The following AGL variants were observed in gnomAD, a reference collection of about 807,000 sequenced individuals.
AGL encodes the protein glycogen debranching enzyme.
In AGL, 128 loss-of-function variants were observed where a neutral mutation model predicts 199.3. That is an observed-to-expected ratio of 0.64 (90% CI 0.56 to 0.74). The LOEUF (loss-of-function observed/expected upper bound fraction) is 0.74. Among genes scored for constraint, AGL ranks in the 30% least tolerant of loss-of-function variants. The pLI is 0.00. For synonymous variants in AGL, 584 were observed against 594.7 expected, an observed-to-expected ratio of 0.98 and a Z score of 0.26; for missense variants, 1,809 against 1,820.8, an observed-to-expected ratio of 0.99 and a Z score of 0.12.
rs2100909108 is a variant in AGL at position 99,923,283 on chromosome 1, A to AT, written c.*1632_*1633insT. ...TTCTCTAAACTGTGCGGGTAAAAGG[A>AT]ATGACTGTCCTTGAGAGAACCATTA... is the stretch of plus-strand genomic sequence containing the variant. On this transcript the variant is annotated 3_prime_UTR_variant, in exon 34 of 34. Coordinates refer to ENST00000361915, the MANE Select transcript of AGL (RefSeq NM_000642.3). 6.6e-6 allele frequency: 1 copy of AT among 152,266 alleles called. No individual in the cohort carries two copies. The highest frequency in any genetic ancestry group is 1.9e-4 in the East Asian group (1 of 5,194). The allele number at this position is 152,266 out of a possible 1,614,324, so 9.4% of individuals were successfully genotyped here.
At chr1:99,880,601 G>T in intron 13 of AGL, 31 bp from the exon 14 acceptor site, 1 of 1,609,428 alleles carries the variant, frequency 6.2e-7, no homozygotes, top group Non-Finnish European at 8.5e-7. Context: ...AAATAATGAA[G>T]ATTGTTAAAA....
intron 20 of AGL, 151 bp downstream of exon 20, chr1:99,884,854 T>A: frequency 1.1e-6 from 1 of 939,868 alleles, no homozygotes; most frequent in Non-Finnish European, 1.6e-6. Flanking sequence ...TGTTAACATT[T>A]TACCCTATTG....
At chr1:99,879,576 C>G (rs1651835304) in intron 12 of AGL, among the ~76,000 whole-genome samples, 3 of 151,098 alleles carry the variant, frequency 2.0e-5, no homozygotes, top group African/African-American at 7.3e-5. Flanking sequence ...AAGAGCGAAA[C>G]TTGGTCTCAA....
chr1:99,870,406 A>G lies in AGL; in HGVS notation c.671A>G (p.Asn224Ser), dbSNP rs750646760. Residue 224 changes from asparagine (N) to serine (S), a missense_variant, in exon 6 of 34, where the codon AAT (asparagine) becomes AGT (serine). By Grantham distance (46) the Asn-to-Ser change is conservative. Coordinates refer to ENST00000361915, the MANE Select transcript of AGL (RefSeq NM_000642.3). ...TDVVYNHTAANSKWIQEHPEC... is the reference protein window; with the variant it reads ...TDVVYNHTAASSKWIQEHPEC... ...TGTCTCCTTTTTCCTTCAGCTGCTA[A>G]TAGTAAATGGATCCAGGAACATCCA... 6.2e-7 allele frequency: 1 copy of G among 1,613,926 alleles called. No homozygotes were observed. Among genetic ancestry groups the G allele is most frequent in the Non-Finnish European group, 8.5e-7 (1 of 1,179,888 alleles).
chr1:99,857,331 G>A (rs1198529375), intron 2 of AGL, among the ~76,000 whole-genome samples: 1 of 151,618 alleles, frequency 6.6e-6, no homozygotes, highest in Non-Finnish European at 1.5e-5. Flanking sequence ...TCCCAGACTG[G>A]GCAGCCGGGC....
In AGL at chr1:99,888,048, G is replaced by A; in HGVS notation, c.2752G>A (p.Asp918Asn). Reference protein sequence around the residue: ...LYRCESEEKEDGGGCYDIPNW... With the variant: ...LYRCESEEKENGGGCYDIPNW... Reference sequence around the variant, plus strand: ...CCGATGTGAATCAGAAGAAAAGGAAGATGGTGGAGGGTGCTATGACATACC... The same window carrying A: ...CCGATGTGAATCAGAAGAAAAGGAAAATGGTGGAGGGTGCTATGACATACC... The change falls in exon 21 of 34, where the codon GAT becomes AAT. Residue 918 changes from aspartate to asparagine, a missense_variant. Physicochemically the swap from Asp to Asn is conservative, Grantham distance 23. Transcript: ENST00000361915. 4 of 1,613,626 alleles carry A rather than the reference G, an allele frequency of 2.5e-6. No homozygotes were observed. Among genetic ancestry groups the A allele is most frequent in the Non-Finnish European group, 3.4e-6 (4 of 1,179,706 alleles).
chr1:99,921,463 C>A, intron 33 of AGL, 71 bp from the exon 34 acceptor site: 1 of 1,084,334 alleles, frequency 9.2e-7, no homozygotes, highest in East Asian at 2.4e-5. Context: ...AGGCAAAAAT[C>A]ACCAGGTCTT....
At chr1:99,912,335 A>T in intron 28 of AGL, 70 bp from the exon 29 acceptor site, 1 of 1,119,946 alleles carries the variant, frequency 8.9e-7, no homozygotes, top group Non-Finnish European at 1.3e-6. Context: ...ACAATTGTTT[A>T]CCGAATGCCC....
In AGL at chr1:99,884,839, C is replaced by T. The variant is rs1313877681; in HGVS notation, c.2681+136C>T. ...CCAAGGACCAGCAGTGTCAGCATCA[C>T]CTGTTGTTAACATTTTACCCTATTG... On this transcript the variant is annotated intron_variant, in intron 20 of 33. Coordinates refer to ENST00000361915, the MANE Select transcript of AGL (RefSeq NM_000642.3). The T allele has an allele frequency of 3.8e-5, 39 of 1,027,898 alleles. 1 individual carries two copies. Among genetic ancestry groups the T allele is most frequent in the Non-Finnish European group, 5.8e-5 (39 of 676,934 alleles). 63.7% of individuals were successfully genotyped at this position (1,027,898 alleles called of 1,614,324 possible). A position where few individuals can be genotyped will look rare whatever the true frequency, so the allele number is the denominator to read the frequency against.
In AGL at chr1:99,864,441, C is replaced by G; in HGVS notation, c.516C>G (p.Cys172Trp). ...PLQTLGLSRS[C>W]YSLANQLELN... is the part of the protein sequence containing the mutation. ...AGACTCTTGGACTATCTAGGTCATG[C>G]TACTCCCTTGCCAATCAGTTAGAAT... Residue 172 changes from cysteine to tryptophan, a missense_variant, in exon 5 of 34, where the codon TGC becomes TGG. Physicochemically the swap from Cys to Trp is radical, Grantham distance 215. Transcript: ENST00000361915. The G allele has an allele frequency of 6.2e-7, 1 of 1,613,856 alleles. No individual in the cohort carries two copies. The highest frequency in any genetic ancestry group is 8.5e-7 in the Non-Finnish European group (1 of 1,179,824).
In AGL at chr1:99,887,983, C is replaced by G. The variant is rs777099171; in HGVS notation, c.2687C>G (p.Ala896Gly). Reference protein sequence around the residue: ...PILKIPFASLASRLTLAELNQ... With the variant: ...PILKIPFASLGSRLTLAELNQ... ...CTTTATTTTCCAATTCTTAGTCTTGCCTCCAGATTAACTTTGGCTGAGCTA... is the reference window on the plus strand; with the variant it reads ...CTTTATTTTCCAATTCTTAGTCTTGGCTCCAGATTAACTTTGGCTGAGCTA... Residue 896 changes from alanine to glycine, a missense_variant, in exon 21 of 34, where the codon GCC becomes GGC. By Grantham distance (60) the Ala-to-Gly change is moderately conservative (BLOSUM62 0). Coordinates refer to ENST00000361915, the MANE Select transcript of AGL (RefSeq NM_000642.3). The G allele has an allele frequency of 6.2e-7, 1 of 1,613,130 alleles. No homozygotes were observed. Among genetic ancestry groups the G allele is most frequent in the African/African-American group, 1.3e-5 (1 of 74,864 alleles).
At position 99,876,598 on chromosome 1, in the gene AGL, G is replaced by A. The variant is rs751952198; in HGVS notation, c.1423+1G>A. The A allele has an allele frequency of 9.3e-6, 15 of 1,613,930 alleles. No individual in the cohort carries two copies. The highest frequency in any genetic ancestry group is 1.2e-5 in the Non-Finnish European group (14 of 1,179,936). On this transcript the variant is annotated splice_donor_variant, in intron 11 of 33. Coordinates refer to ENST00000361915, the MANE Select transcript of AGL (RefSeq NM_000642.3). LOFTEE classifies it high-confidence loss of function. ...CCTCTTCGAAACTTTGCTGAACCGG[G>A]TATGTAATTTTTAACTTCTCTGTGG...
chr1:99,901,922 A>T (rs1160990569), intron 26 of AGL, among the ~76,000 whole-genome samples: 1 of 152,172 alleles, frequency 6.6e-6, no homozygotes, highest in Non-Finnish European at 1.5e-5. Flanking sequence ...CAATGAATAT[A>T]GGTTCATGCT....
chr1:99,852,232 T>G (rs562132058), intron 2 of AGL, among the ~76,000 whole-genome samples: 1 of 152,280 alleles, frequency 6.6e-6, no homozygotes, highest in South Asian at 2.1e-4. Flanking sequence ...GCCTTGAGCT[T>G]TCTTCTTCTT....
intron 20 of AGL, among the ~76,000 whole-genome samples, chr1:99,886,266 A>C (rs1229250630): frequency 6.6e-6 from 1 of 152,170 alleles, no homozygotes; most frequent in Non-Finnish European, 1.5e-5. Context: ...GCTTGAGCCC[A>C]GGAGTCCAAG....
rs186003072 is a variant in AGL, at chr1:99,907,252, G to A, written c.3701-3460G>A. On this transcript the variant is annotated intron_variant, in intron 27 of 33. Coordinates refer to ENST00000361915, the MANE Select transcript of AGL (RefSeq NM_000642.3). ...TTGTAGAAGTTTCTTATATATTCTG[G>A]ATATTAACCCCTTATCATACATATG... Among the ~76,000 whole-genome samples the A allele has an allele frequency of 3.3e-5, 5 of 152,164 alleles. 1 individual carries two copies. Among genetic ancestry groups the A allele is most frequent in the Admixed American group, 2.0e-4 (3 of 15,282 alleles).
In AGL at chr1:99,900,346, G is replaced by C. The variant is rs371709391; in HGVS notation, c.3363-290G>C. ...CCATAGACTTCAAAAGTAGAATCTG[G>C]AGCTATGAGGGACCTTAAAAATCAC... is the stretch of plus-strand genomic sequence containing the variant. On this transcript the variant is annotated intron_variant, in intron 25 of 33. Transcript: ENST00000361915. 9.2e-5 allele frequency among the ~76,000 whole-genome samples: 14 copies of C among 152,084 alleles called. No individual in the cohort carries two copies. The East Asian group carries it at 9.6e-4, about 10-fold the overall frequency.
Position 99,871,069 on chromosome 1 carries a change from C to T in AGL, c.958+200C>T, listed in dbSNP as rs79253638. 0.03 allele frequency among the ~76,000 whole-genome samples: 4,571 copies of T among 152,192 alleles called. 103 individuals carry two copies. The highest frequency in any genetic ancestry group is 0.048 in the Non-Finnish European group (3,238 of 67,994). On this transcript the variant is annotated intron_variant, in intron 7 of 33. Transcript: ENST00000361915. ...GGGCACGTCATAATAATACATAACA[C>T]AATTATTTCCCCTGGGTACTGTATC...
Position 99,864,485 on chromosome 1 carries a change from G to A in AGL, c.560G>A (p.Arg187Lys). Residue 187 changes from arginine (R) to lysine (K), a missense_variant, in exon 5 of 34, where the codon AGA becomes AAA. Coordinates refer to ENST00000361915, the MANE Select transcript of AGL (RefSeq NM_000642.3). ...NQLELNPDFSRPNRKYTWNDV... is the reference protein window; with the variant it reads ...NQLELNPDFSKPNRKYTWNDV... ...TTAGAATTAAATCCTGACTTTTCAA[G>A]ACCTAATAGAAAGTATACCTGGAAT... The A allele has an allele frequency of 6.2e-7, 1 of 1,613,700 alleles. No individual in the cohort carries two copies. The highest frequency in any genetic ancestry group is 8.5e-7 in the Non-Finnish European group (1 of 1,179,778).
Sources: allele counts gnomAD v4.1 joint callset (sites outside exome capture counted in the v4.1 genomes callset), GRCh38; gene constraint gnomAD v4.1.1; transcripts MANE v1.5; gene names NCBI Gene and HGNC (gene_info 2026-07-23, HGNC 2026-07-21).